Variants in EXD1 observed in about 807,000 individuals in gnomAD.
EXD1 encodes piRNA biogenesis protein EXD1.
Under a neutral mutation model 49.1 loss-of-function variants are expected in EXD1, and 63 were observed. The observed-to-expected ratio is 1.28, with a 90% CI of 1.05 to 1.58. EXD1 has a LOEUF of 1.58. Among genes scored for constraint, EXD1 ranks in the 40% most tolerant of loss-of-function variants. EXD1 has a pLI of 0.00. For synonymous variants in EXD1, 234 were observed against 239.2 expected (o/e 0.98, Z 0.20); for missense variants, 748 against 666.0 (o/e 1.12, Z -1.36).
chr15:41,184,178 G>C lies in EXD1; in HGVS notation c.1472C>G (p.Pro491Arg), dbSNP rs778813362. 1 of 1,614,140 alleles carries C rather than the reference G, an allele frequency of 6.2e-7. No individual in the cohort carries two copies. Residue 491 changes from proline to arginine, a missense_variant, in exon 12 of 12, where the codon CCC becomes CGC. By Grantham distance (103) the Pro-to-Arg change is moderately radical. Transcript: ENST00000458580. ...TAAACTTGCCTGAAACTCATGTTTG[G>C]GTGTCATAAAGTGTTCTTTCTGAGT... ...RITQKEHFMT[P>R]KHEFQASLSL...
intron 2 of EXD1, among the ~76,000 whole-genome samples, chr15:41,220,494 G>T (rs1186821479): frequency 1.3e-5 from 2 of 152,140 alleles, no homozygotes; most frequent in African/African-American, 4.8e-5. Flanking sequence ...TCCTGACCTT[G>T]TGATCCGCTT....
intron 4 of EXD1, 80 bp from the exon 5 acceptor site, chr15:41,216,875 G>A: frequency 2.0e-5 from 32 of 1,573,008 alleles, no homozygotes; most frequent in Non-Finnish European, 2.4e-5. Context: ...ACACATTAAC[G>A]TTAAGGACAG....
intron 7 of EXD1, among the ~76,000 whole-genome samples, chr15:41,198,986 T>C (rs1277412603): frequency 1.3e-5 from 2 of 148,568 alleles, no homozygotes; most frequent in African/African-American, 5.0e-5. Context: ...TTTTTGGAGA[T>C]TGAGTCTTAA....
At chr15:41,193,734 A>T (rs2140829027) in intron 9 of EXD1, among the ~76,000 whole-genome samples, 1 of 145,868 alleles carries the variant, frequency 6.9e-6, no homozygotes, top group South Asian at 2.2e-4. Context: ...CAACAGAGCC[A>T]GACCTTGTCT....
chr15:41,230,288 G>C (rs1407576695), intron 1 of EXD1, among the ~76,000 whole-genome samples, 191 bp downstream of exon 1: 1 of 151,880 alleles, frequency 6.6e-6, no homozygotes, highest in Non-Finnish European at 1.5e-5. Flanking sequence ...TCTCCATATT[G>C]GTCAGGCTGG....
At chr15:41,206,618 CT>C (rs764744329) in intron 7 of EXD1, among the ~76,000 whole-genome samples, 40 of 101,192 alleles carry the variant, frequency 4.0e-4, no homozygotes, top group South Asian at 2.7e-3. Flanking sequence ...TTATTCAATT[CT>C]TTTTTTTTTT....
intron 6 of EXD1, among the ~76,000 whole-genome samples, chr15:41,215,037 A>T (rs1177196457): frequency 6.6e-6 from 1 of 151,932 alleles, no homozygotes; most frequent in East Asian, 1.9e-4. Context: ...GAGCCACTGC[A>T]CCCAGCCTTT....
chr15:41,201,422 T>C (rs1055042259), intron 7 of EXD1, among the ~76,000 whole-genome samples: 1 of 151,574 alleles, frequency 6.6e-6, no homozygotes, highest in African/African-American at 2.4e-5. Flanking sequence ...CTGGCACAAA[T>C]GGTAAGATGT....
intron 6 of EXD1, among the ~76,000 whole-genome samples, chr15:41,210,965 A>C (rs1436956889): frequency 6.6e-6 from 1 of 152,166 alleles, no homozygotes; most frequent in Non-Finnish European, 1.5e-5. Flanking sequence ...CTTCATTCCC[A>C]ATCAGATGGC....
At chr15:41,208,157 T>C (rs1269926361) in intron 7 of EXD1, among the ~76,000 whole-genome samples, 2 of 151,870 alleles carry the variant, frequency 1.3e-5, no homozygotes, top group Admixed American at 1.3e-4. Context: ...AAGTCTACTC[T>C]CTTTTGTTTT....
Position 41,206,922 on chromosome 15 carries a change from T to G in EXD1, c.534+2579A>C, listed in dbSNP as rs1382634180. On this transcript the variant is annotated intron_variant, in intron 7 of 11. Coordinates refer to ENST00000458580, the MANE Select transcript of EXD1 (RefSeq NM_001286441.2). Reference sequence around the variant, plus strand: ...GGCATGAGCCACTGTGCCTGCCCTATTCAACTCTTTTTTTTTTTTTTTTTT... The same window carrying G: ...GGCATGAGCCACTGTGCCTGCCCTAGTCAACTCTTTTTTTTTTTTTTTTTT... Among the ~76,000 whole-genome samples, 4 of 121,570 alleles carry G rather than the reference T, an allele frequency of 3.3e-5. No individual in the cohort carries two copies. The Admixed American group carries it at 4.2e-4, about 13-fold the overall frequency. The allele number at this position is 121,570 out of a possible 152,430, so 79.8% of individuals were successfully genotyped here.
chr15:41,208,841 C>G (rs182137276), intron 7 of EXD1, among the ~76,000 whole-genome samples: 30 of 152,068 alleles, frequency 2.0e-4, no homozygotes, highest in Admixed American at 1.8e-3. Flanking sequence ...GAGAAACCTG[C>G]TGTGGAAAGC....
In EXD1 at chr15:41,189,956, T is replaced by A. The variant is rs770417922; in HGVS notation, c.1037A>T (p.Asp346Val). The change falls in exon 11 of 12, where the codon GAC becomes GTC. Residue 346 changes from aspartate (D) to valine (V), a missense_variant. By Grantham distance (152) the Asp-to-Val change is radical (BLOSUM62 -3). Coordinates refer to ENST00000458580, the MANE Select transcript of EXD1 (RefSeq NM_001286441.2). Reference sequence around the variant, plus strand: ...ACCTACCTCAGTGCCTCCAAGCCGGTCTGCAGACCCTTCGCGATACGTGTT... The same window carrying A: ...ACCTACCTCAGTGCCTCCAAGCCGGACTGCAGACCCTTCGCGATACGTGTT... ...YLNTYREGSA[D>V]RLGGTEPTCM... 1.2e-6 allele frequency: 2 copies of A among 1,613,934 alleles called. No homozygotes were observed. Among genetic ancestry groups the A allele is most frequent in the Non-Finnish European group, 1.7e-6 (2 of 1,180,012 alleles).
At chr15:41,195,678 A>AT in intron 9 of EXD1, 97 bp downstream of exon 9, 1 of 896,510 alleles carries the variant, frequency 1.1e-6, no homozygotes. Context: ...AAAAAAAAAA[A>AT]ATTAAAAAGA....
intron 7 of EXD1, among the ~76,000 whole-genome samples, chr15:41,198,948 G>A (rs1455936002): frequency 6.6e-6 from 1 of 150,382 alleles, no homozygotes; most frequent in African/African-American, 2.4e-5. Context: ...GATTACAGGC[G>A]TGAGCCACCA....
intron 7 of EXD1, among the ~76,000 whole-genome samples, chr15:41,199,075 T>C (rs1302205510): frequency 6.6e-6 from 1 of 152,064 alleles, no homozygotes; most frequent in Admixed American, 6.6e-5. Flanking sequence ...TTCTCCTGCC[T>C]CAGCCTCCCA....
chr15:41,205,159 T>G (rs900801246), intron 7 of EXD1, among the ~76,000 whole-genome samples: 4 of 152,128 alleles, frequency 2.6e-5, no homozygotes, highest in Non-Finnish European at 2.9e-5. Flanking sequence ...TTAATCTGCC[T>G]TTTTGTGAGT....
chr15:41,193,761 C>G (rs2046568283), intron 9 of EXD1, among the ~76,000 whole-genome samples: 1 of 151,404 alleles, frequency 6.6e-6, no homozygotes, highest in Non-Finnish European at 1.5e-5. Flanking sequence ...AAAAAAATTA[C>G]TTTTATTATC....
In EXD1 at chr15:41,185,009, A is replaced by T. The variant is rs141129358; in HGVS notation, c.1057-416T>A. Among the ~76,000 whole-genome samples the T allele has an allele frequency of 7.9e-4, 121 of 152,250 alleles. 1 individual carries two copies. Among genetic ancestry groups the T allele is most frequent in the African/African-American group, 2.9e-3 (119 of 41,570 alleles). The stretch of plus-strand genomic sequence containing the variant: ...AATTGGTAAATGAGAGTCTATTCAA[A>T]TGTGTTCATATAGCACCCTCTGGTG... On this transcript the variant is annotated intron_variant, in intron 11 of 11. Coordinates refer to ENST00000458580, the MANE Select transcript of EXD1 (RefSeq NM_001286441.2).
Sources: gnomAD v4.1 joint callset for allele counts (sites outside exome capture counted in the v4.1 genomes callset) on GRCh38, gnomAD v4.1.1 for gene constraint, MANE v1.5 for transcripts, NCBI Gene and HGNC (gene_info 2026-07-23, HGNC 2026-07-21) for gene names.